Variants in RERE observed in about 807,000 individuals in gnomAD.
RERE encodes arginine-glutamic acid dipeptide repeats protein.
In RERE, 40 loss-of-function variants were observed where a neutral mutation model predicts 146.1. The observed-to-expected ratio is 0.27, with a 90% CI of 0.21 to 0.36. The LOEUF (loss-of-function observed/expected upper bound fraction) is 0.36, where lower values mean the gene tolerates loss of function less well. Ranked by LOEUF, RERE falls within the 10% of genes least tolerant of loss-of-function variation. The probability of loss-of-function intolerance (pLI) is 1.00; values close to 1 mark genes in which losing one functional copy is unlikely to be tolerated. For synonymous variants in RERE, 1,003 were observed against 866.0 expected, an observed-to-expected ratio of 1.16 and a Z score of -2.78; for missense variants, 1,933 against 2,138.7, an observed-to-expected ratio of 0.90 and a Z score of 1.90.
intron 1 of RERE, among the ~76,000 whole-genome samples, chr1:8,762,203 C>T (rs993654857): frequency 6.6e-6 from 1 of 152,122 alleles, no homozygotes; most frequent in Non-Finnish European, 1.5e-5. Flanking sequence ...CTCACTTGAC[C>T]CTTACCAATT....
chr1:8,774,347 ATTTTTTTTT>A (rs34859762), intron 1 of RERE, among the ~76,000 whole-genome samples: 1 of 93,180 alleles, frequency 1.1e-5, no homozygotes, highest in African/African-American at 4.0e-5. Context: ...TTGGCAAACT[ATTTTTTTTT>A]TTTTTTTTTT....
chr1:8,788,779 A>G (rs1256146849), intron 1 of RERE, among the ~76,000 whole-genome samples: 1 of 151,676 alleles, frequency 6.6e-6, no homozygotes, highest in African/African-American at 2.4e-5. Flanking sequence ...GCCCTGACAG[A>G]TGAGGATTCA....
At chr1:8,597,602 C>G (rs949490985) in intron 4 of RERE, among the ~76,000 whole-genome samples, 2 of 152,148 alleles carry the variant, frequency 1.3e-5, no homozygotes, top group Non-Finnish European at 2.9e-5. Flanking sequence ...GTGCTAAGAA[C>G]CCCCTGTCCT....
chr1:8,358,295 G>C lies in RERE; in HGVS notation c.4240C>G (p.Leu1414Val), dbSNP rs1290137171. The C allele has an allele frequency of 1.2e-6, 2 of 1,613,630 alleles. No individual in the cohort carries two copies. Among genetic ancestry groups the C allele is most frequent in the South Asian group, 2.2e-5 (2 of 91,080 alleles). The change falls in exon 20 of 23, where the codon CTG (leucine) becomes GTG (valine). Residue 1414 changes from leucine to valine, a missense_variant. Physicochemically the swap from Leu to Val is conservative, Grantham distance 32. Coordinates refer to ENST00000400908, the MANE Select transcript of RERE (RefSeq NM_001042681.2). ...ACGTTGAACATCTGCAGTCGGGCCA[G>C]GGGATCGCTGGTCAGCGATGCCATG... ...ERMASLTSDPLARLQMFNVTP... is the reference protein window; with the variant it reads ...ERMASLTSDPVARLQMFNVTP...
intron 4 of RERE, among the ~76,000 whole-genome samples, chr1:8,580,265 A>C (rs1467088532): frequency 1.3e-5 from 2 of 152,204 alleles, no homozygotes; most frequent in Non-Finnish European, 2.9e-5. Context: ...AAATATCTAG[A>C]GAAAATTCAT....
chr1:8,409,884 G>A (rs1643564060), intron 12 of RERE, among the ~76,000 whole-genome samples: 1 of 151,912 alleles, frequency 6.6e-6, no homozygotes, highest in Non-Finnish European at 1.5e-5. Flanking sequence ...TTGGGCTCTG[G>A]CACTGGAAAT....
At chr1:8,370,389 C>T (rs888316863) in intron 12 of RERE, among the ~76,000 whole-genome samples, 1 of 152,160 alleles carries the variant, frequency 6.6e-6, no homozygotes, top group Non-Finnish European at 1.5e-5. Flanking sequence ...GATGAAAATG[C>T]TCTGTAAGTT....
intron 1 of RERE, among the ~76,000 whole-genome samples, chr1:8,669,115 C>A (rs902666521): frequency 2.0e-5 from 3 of 149,314 alleles, no homozygotes; most frequent in Admixed American, 1.3e-4. Context: ...GTCACCCAGG[C>A]TGGAGTGCAG....
intron 4 of RERE, among the ~76,000 whole-genome samples, chr1:8,586,633 A>T (rs1475489197): frequency 6.6e-6 from 1 of 152,166 alleles, no homozygotes; most frequent in Non-Finnish European, 1.5e-5. Context: ...GAACTTCCTG[A>T]CTCAGACAGA....
At chr1:8,569,413 A>C (rs1265148391) in intron 4 of RERE, among the ~76,000 whole-genome samples, 1 of 152,196 alleles carries the variant, frequency 6.6e-6, no homozygotes, top group African/African-American at 2.4e-5. Context: ...AAAGTTACAG[A>C]GCTCAACCAC....
At chr1:8,453,074 A>G (rs1427931848) in intron 11 of RERE, among the ~76,000 whole-genome samples, 1 of 152,208 alleles carries the variant, frequency 6.6e-6, no homozygotes, top group East Asian at 1.9e-4. Context: ...ATATTTAAAA[A>G]GAGAGGGAGA....
chr1:8,363,969 G>A lies in RERE; in HGVS notation c.1740+87C>T, dbSNP rs12118524. ...ACTTTGTCTGGTAAACAAGACTTTC[G>A]CTTCCTCCCCCTGGGAGGCTCAAGC... is the stretch of plus-strand genomic sequence containing the variant. On this transcript the variant is annotated intron_variant, in intron 15 of 22. Coordinates refer to ENST00000400908, the MANE Select transcript of RERE (RefSeq NM_001042681.2). 0.039 allele frequency: 48,867 copies of A among 1,250,098 alleles called. 1,202 individuals carry two copies. Among genetic ancestry groups the A allele is most frequent in the South Asian group, 0.061 (4,947 of 80,576 alleles). The allele number at this position is 1,250,098 out of a possible 1,614,324, so 77.4% of individuals were successfully genotyped here.
At chr1:8,718,305 G>A (rs1639799405) in intron 1 of RERE, among the ~76,000 whole-genome samples, 1 of 152,172 alleles carries the variant, frequency 6.6e-6, no homozygotes, top group Non-Finnish European at 1.5e-5. Context: ...TTAAAAAACA[G>A]GGTCAGATAA....
At chr1:8,619,662 T>C (rs1486124974) in intron 3 of RERE, among the ~76,000 whole-genome samples, 1 of 152,226 alleles carries the variant, frequency 6.6e-6, no homozygotes, top group African/African-American at 2.4e-5. Flanking sequence ...CTATACTGAA[T>C]GAAAATTAGT....
At chr1:8,425,607 G>A (rs1313342372) in intron 11 of RERE, 2 of 152,290 alleles carry the variant, frequency 1.3e-5, no homozygotes, top group South Asian at 2.1e-4. Flanking sequence ...GACTTGGGGC[G>A]GGCAATCTGG....
rs565762808 is a variant in RERE, at chr1:8,369,806, T to C, written c.1285-3832A>G. Among the ~76,000 whole-genome samples, 85 of 152,282 alleles carry C rather than the reference T, an allele frequency of 5.6e-4. 3 individuals carry two copies. The South Asian group carries it at 0.013, about 23-fold the overall frequency. On this transcript the variant is annotated intron_variant, in intron 12 of 22. Coordinates refer to ENST00000400908, the MANE Select transcript of RERE (RefSeq NM_001042681.2). ...AACTATTCTATATATATATATTTTT[T>C]TGAGACGGAGTCTTGCTCTGTCTCC...
At chr1:8,526,598 C>A (rs976374543) in intron 7 of RERE, among the ~76,000 whole-genome samples, 21 of 152,256 alleles carry the variant, frequency 1.4e-4, no homozygotes, top group African/African-American at 4.6e-4. Context: ...ACTGTATTTT[C>A]TGCAAACAGC....
chr1:8,601,942 ACTGT>A (rs143148092), intron 4 of RERE, among the ~76,000 whole-genome samples: 24,583 of 152,228 alleles, frequency 0.16, 2,364 homozygotes, highest in Middle Eastern at 0.25. Flanking sequence ...GAGAAACTTC[ACTGT>A]CTGTAGGCTG....
intron 3 of RERE, among the ~76,000 whole-genome samples, chr1:8,620,054 C>T (rs1246126687): frequency 2.0e-5 from 3 of 152,206 alleles, no homozygotes; most frequent in African/African-American, 4.8e-5. Flanking sequence ...TCTATTTGCA[C>T]TCTGTGATAT....
Sources: allele counts gnomAD v4.1 joint callset (sites outside exome capture counted in the v4.1 genomes callset), GRCh38; gene constraint gnomAD v4.1.1; transcripts MANE v1.5; gene names NCBI Gene and HGNC (gene_info 2026-07-23, HGNC 2026-07-21).